The following MLLT3 variants were observed in gnomAD, a reference collection of about 807,000 sequenced individuals.
The protein encoded by MLLT3 is MLLT3 super elongation complex subunit, also known as protein AF-9.
A neutral mutation model predicts 53.2 loss-of-function variants in MLLT3; 4 were observed. The observed-to-expected ratio is 0.08, with a 90% confidence interval of 0.04 to 0.17. MLLT3 has a LOEUF of 0.17. Ranked by LOEUF, MLLT3 falls within the 10% of genes least tolerant of loss-of-function variation. The probability of loss-of-function intolerance (pLI) is 1.00; values close to 1 mark genes in which losing one functional copy is unlikely to be tolerated. For missense variants in MLLT3, 569 were observed against 684.0 expected (o/e 0.83, Z 1.87); for synonymous variants, 283 against 230.6 (o/e 1.23, Z -2.06).
chr9:20,576,296 ATC>A (rs1819652238), intron 2 of MLLT3, among the ~76,000 whole-genome samples: 2 of 152,168 alleles, frequency 1.3e-5, no homozygotes, highest in East Asian at 3.9e-4. Flanking sequence ...CTTTCTCCAT[ATC>A]AGCAATAAGG....
intron 2 of MLLT3, among the ~76,000 whole-genome samples, chr9:20,491,110 A>G (rs1001382957): frequency 2.0e-5 from 3 of 152,192 alleles, no homozygotes; most frequent in Non-Finnish European, 4.4e-5. Flanking sequence ...AATATATCAT[A>G]TAACGTCCTT....
At chr9:20,517,606 GCAGATGGATCACTTA>G (rs1326716241) in intron 2 of MLLT3, among the ~76,000 whole-genome samples, 8 of 152,298 alleles carry the variant, frequency 5.3e-5, no homozygotes, top group Non-Finnish European at 1.2e-4. Context: ...GGAGGCTGAG[GCAGATGGATCACTTA>G]AGGTCAAGAG....
intron 2 of MLLT3, among the ~76,000 whole-genome samples, chr9:20,507,602 C>T (rs1388160324): frequency 6.6e-6 from 1 of 152,078 alleles, no homozygotes; most frequent in Admixed American, 6.5e-5. Flanking sequence ...TCAAAGCCAG[C>T]AGATGATTTC....
intron 2 of MLLT3, among the ~76,000 whole-genome samples, chr9:20,460,334 T>A (rs543057066): frequency 5.9e-5 from 9 of 152,354 alleles, no homozygotes; most frequent in African/African-American, 1.9e-4. Context: ...GAATGAATAT[T>A]CACCTTTAGA....
intron 5 of MLLT3, chr9:20,380,178 T>C (rs2118693723): frequency 6.6e-6 from 1 of 152,144 alleles, no homozygotes; most frequent in Non-Finnish European, 1.5e-5. Context: ...AAACAGATTT[T>C]TTTTAAAATG....
chr9:20,463,250 C>CA (rs1824155518), intron 2 of MLLT3, among the ~76,000 whole-genome samples: 1 of 151,494 alleles, frequency 6.6e-6, no homozygotes, highest in Non-Finnish European at 1.5e-5. Flanking sequence ...CTTATGTATT[C>CA]AGTATATCCC....
intron 2 of MLLT3, among the ~76,000 whole-genome samples, chr9:20,472,997 G>C (rs1824432468): frequency 6.6e-6 from 1 of 151,836 alleles, no homozygotes; most frequent in South Asian, 2.1e-4. Flanking sequence ...AGTAACACCA[G>C]CATCACCTGA....
intron 2 of MLLT3, among the ~76,000 whole-genome samples, chr9:20,588,477 T>C (rs903836855): frequency 1.3e-5 from 2 of 152,242 alleles, no homozygotes; most frequent in African/African-American, 4.8e-5. Flanking sequence ...CCCATGAGCA[T>C]GGAACGTTCT....
intron 5 of MLLT3, among the ~76,000 whole-genome samples, chr9:20,370,122 G>C (rs1482587520): frequency 6.6e-6 from 1 of 152,208 alleles, no homozygotes; most frequent in Non-Finnish European, 1.5e-5. Flanking sequence ...TCAATGGTAT[G>C]TTCTACAGTG....
At chr9:20,592,135 C>G (rs542731247) in intron 2 of MLLT3, among the ~76,000 whole-genome samples, 22 of 152,190 alleles carry the variant, frequency 1.4e-4, no homozygotes, top group Middle Eastern at 3.4e-3. Flanking sequence ...ATCACATATC[C>G]CAAAAAATTA....
chr9:20,536,598 G>A (rs1468422924), intron 2 of MLLT3, among the ~76,000 whole-genome samples: 1 of 152,140 alleles, frequency 6.6e-6, no homozygotes, highest in Admixed American at 6.5e-5. Context: ...AGAAGAAAAA[G>A]TGAACCAAAG....
At chr9:20,544,324 C>T (rs1050003181) in intron 2 of MLLT3, among the ~76,000 whole-genome samples, 10 of 152,072 alleles carry the variant, frequency 6.6e-5, no homozygotes, top group Non-Finnish European at 8.8e-5. Context: ...ATATATACCA[C>T]GCTCACAAAC....
chr9:20,527,224 G>C (rs1363281827), intron 2 of MLLT3, among the ~76,000 whole-genome samples: 1 of 152,058 alleles, frequency 6.6e-6, no homozygotes, highest in Non-Finnish European at 1.5e-5. Flanking sequence ...GAAATCTGGA[G>C]GTGAACCATC....
intron 5 of MLLT3, among the ~76,000 whole-genome samples, chr9:20,400,853 C>T (rs1360624629): frequency 1.3e-5 from 2 of 152,034 alleles, no homozygotes; most frequent in African/African-American, 4.8e-5. Flanking sequence ...TTGAAAGTGA[C>T]CCATAACACC....
Position 20,621,842 on chromosome 9 carries a change from C to T in MLLT3, c.12+403G>A. ...CTGCTCGCCGCGTCCCCGGACTGTG[C>T]CCGCAGCTCCCGGCGGCGGCGGCTG... On this transcript the variant is annotated intron_variant, in intron 1 of 10. Coordinates refer to ENST00000380338, the MANE Select transcript of MLLT3 (RefSeq NM_004529.4). This position sits in a 1 kb window ranked among gnomAD's most constrained non-coding sequence, Gnocchi z 7.0. 5.7e-6 allele frequency: 8 copies of T among 1,392,250 alleles called. No homozygotes were observed. The highest frequency in any genetic ancestry group is 7.4e-6 in the Non-Finnish European group (8 of 1,083,124). 86.2% of individuals were successfully genotyped at this position (1,392,250 alleles called of 1,614,324 possible).
chr9:20,542,667 C>T (rs750962262), intron 2 of MLLT3, among the ~76,000 whole-genome samples: 5 of 152,192 alleles, frequency 3.3e-5, no homozygotes, highest in African/African-American at 4.8e-5. Flanking sequence ...CACTTCTACA[C>T]TACAAGCAGA....
At chr9:20,556,946 A>G (rs1394303743) in intron 2 of MLLT3, among the ~76,000 whole-genome samples, 4 of 152,190 alleles carry the variant, frequency 2.6e-5, no homozygotes, top group African/African-American at 9.7e-5. Flanking sequence ...AACGTATGCA[A>G]TCAGCACAAG....
intron 4 of MLLT3, among the ~76,000 whole-genome samples, chr9:20,446,624 T>A (rs1481265307): frequency 6.6e-6 from 1 of 152,144 alleles, no homozygotes; most frequent in African/African-American, 2.4e-5. Flanking sequence ...AGAGAGATAA[T>A]CAGAAATGTA....
intron 2 of MLLT3, chr9:20,533,286 A>G: frequency 9.2e-6 from 3 of 327,198 alleles, no homozygotes; most frequent in South Asian, 3.2e-5. Context: ...TGTGGCTCAC[A>G]TTGCCAAGCT....
Sources: gnomAD v4.1 joint callset for allele counts (sites outside exome capture counted in the v4.1 genomes callset) on GRCh38, gnomAD v4.1.1 for gene constraint, Gnocchi (gnomAD v3.1) non-coding constraint, MANE v1.5 for transcripts, NCBI Gene and HGNC (gene_info 2026-07-23, HGNC 2026-07-21) for gene names.